Variants in CACNA1C observed in about 807,000 individuals in gnomAD.
CACNA1C encodes the protein calcium voltage-gated channel subunit alpha1 C, also known as voltage-dependent L-type calcium channel subunit alpha-1C.
CACNA1C carries 30 observed loss-of-function variants against 229.0 expected under a neutral mutation model. The ratio of observed to expected loss-of-function variants is 0.13; its 90% CI spans 0.10 to 0.18. The LOEUF is 0.18. CACNA1C is among the 10% of genes least tolerant of loss of function. The pLI is 1.00. For missense variants in CACNA1C, 1,658 were observed against 2,845.0 expected, an observed-to-expected ratio of 0.58 and a Z score of 9.49; for synonymous variants, 1,114 against 1,132.5, an observed-to-expected ratio of 0.98 and a Z score of 0.33.
At chr12:2,177,612 CCT>C (rs2096701224) in intron 3 of CACNA1C, among the ~76,000 whole-genome samples, 3 of 109,890 alleles carry the variant, frequency 2.7e-5, no homozygotes, top group South Asian at 3.9e-4. Context: ...TTCCTTCCTT[CCT>C]TCCTTCCTTC....
intron 9 of CACNA1C, among the ~76,000 whole-genome samples, chr12:2,545,289 G>A (rs1014344588): frequency 7.6e-6 from 1 of 130,894 alleles, no homozygotes; most frequent in Non-Finnish European, 1.6e-5. Context: ...AGCTTCAAAT[G>A]CCTAACAACC....
At chr12:2,404,288 C>G (rs185206042) in intron 3 of CACNA1C, among the ~76,000 whole-genome samples, 2 of 152,140 alleles carry the variant, frequency 1.3e-5, no homozygotes, top group Non-Finnish European at 2.9e-5. Flanking sequence ...TAACTAAGAG[C>G]GCTCATGGGG....
intron 3 of CACNA1C, among the ~76,000 whole-genome samples, chr12:2,138,013 A>C (rs3794300): frequency 0.039 from 5,879 of 151,652 alleles, 388 homozygotes; most frequent in African/African-American, 0.12. Flanking sequence ...ACTCTGGCAC[A>C]GCGAGTGTAG....
intron 11 of CACNA1C, among the ~76,000 whole-genome samples, chr12:2,559,135 C>G (rs1350207877): frequency 6.6e-6 from 1 of 152,152 alleles, no homozygotes; most frequent in African/African-American, 2.4e-5. Context: ...TCTAATTTGA[C>G]AGTCAAAGCT....
chr12:2,012,006 A>G (rs1001236519), intron 1 of CACNA1C, among the ~76,000 whole-genome samples: 1 of 152,230 alleles, frequency 6.6e-6, no homozygotes, highest in Non-Finnish European at 1.5e-5. Context: ...GAATTTTGTA[A>G]TTACTTATTG....
Position 2,647,450 on chromosome 12 carries a change from T to G in CACNA1C, c.3913-1025T>G, listed in dbSNP as rs1213889093. 6.6e-6 allele frequency among the ~76,000 whole-genome samples: 1 copy of G among 152,164 alleles called. No individual in the cohort carries two copies. The highest frequency in any genetic ancestry group is 2.4e-5 in the African/African-American group (1 of 41,422). ...GACCCGTGAGAACAGCTTCCTGGGG[T>G]GTTAGTGTCCTAAATTGTGTGCAGG... On this transcript the variant is annotated intron_variant, in intron 30 of 46. Transcript: ENST00000399655. The surrounding 1 kb of genome is among the most constrained non-coding windows in gnomAD (Gnocchi z 4.2).
At chr12:2,407,060 C>T (rs1336700157) in intron 3 of CACNA1C, among the ~76,000 whole-genome samples, 1 of 152,256 alleles carries the variant, frequency 6.6e-6, no homozygotes, top group Admixed American at 6.5e-5. Context: ...CACTGCCAGA[C>T]CTCTGCTGAT....
upstream of CACNA1C, among the ~76,000 whole-genome samples, chr12:2,052,533 G>A (rs1275524284): frequency 1.3e-5 from 2 of 149,852 alleles, no homozygotes; most frequent in African/African-American, 4.9e-5. Flanking sequence ...CGCAGCGGAG[G>A]AGAGAACGCG....
At chr12:2,394,809 A>G (rs1567432066) in intron 3 of CACNA1C, among the ~76,000 whole-genome samples, 1 of 152,268 alleles carries the variant, frequency 6.6e-6, no homozygotes, top group Middle Eastern at 3.4e-3. Flanking sequence ...CAACCCAGTG[A>G]GTCTCGGGTA....
chr12:2,689,526 A>G lies in CACNA1C; in HGVS notation c.6117+747A>G, dbSNP rs1483117270. 1.3e-5 allele frequency among the ~76,000 whole-genome samples: 2 copies of G among 152,012 alleles called. No homozygotes were observed. The highest frequency in any genetic ancestry group is 4.8e-5 in the African/African-American group (2 of 41,364). ...ACAGATTTCAGCTCACATGGGGAAGACCTTCCCAAATGAGCTCTTCCAAGA... is the reference window on the plus strand; with the variant it reads ...ACAGATTTCAGCTCACATGGGGAAGGCCTTCCCAAATGAGCTCTTCCAAGA... On this transcript the variant is annotated intron_variant, in intron 46 of 46. Coordinates refer to ENST00000399655, the MANE Select transcript of CACNA1C (RefSeq NM_000719.7). The surrounding 1 kb of genome is among the most constrained non-coding windows in gnomAD (Gnocchi z 4.2).
intron 7 of CACNA1C, among the ~76,000 whole-genome samples, chr12:2,503,617 A>G (rs2099765347): frequency 6.6e-6 from 1 of 152,182 alleles, no homozygotes; most frequent in South Asian, 2.1e-4. Context: ...GTCAGTTTCA[A>G]GCTGCCAGTG....
At chr12:2,031,360 T>C (rs1241484757) in intron 1 of CACNA1C, among the ~76,000 whole-genome samples, 2 of 152,180 alleles carry the variant, frequency 1.3e-5, no homozygotes, top group East Asian at 1.9e-4. Context: ...CCAAGTGAGT[T>C]TGGACTAAGT....
chr12:2,163,318 C>T (rs990295194), intron 3 of CACNA1C, among the ~76,000 whole-genome samples: 2 of 151,918 alleles, frequency 1.3e-5, no homozygotes, highest in South Asian at 4.1e-4. Context: ...AGGCAGTATT[C>T]GTATTCTCAC....
At chr12:2,230,459 G>A (rs2064684599) in intron 3 of CACNA1C, among the ~76,000 whole-genome samples, 2 of 152,238 alleles carry the variant, frequency 1.3e-5, no homozygotes, top group African/African-American at 4.8e-5. Flanking sequence ...GACCCCTCAG[G>A]AAGAGACTGA....
chr12:2,634,526 T>G, intron 30 of CACNA1C, 146 bp downstream of exon 30: 1 of 449,866 alleles, frequency 2.2e-6, no homozygotes, highest in Non-Finnish European at 4.0e-6. Flanking sequence ...GTTTGAAGGT[T>G]TTTTTTTCCT....
chr12:2,158,289 A>G (rs1436774292), intron 3 of CACNA1C, among the ~76,000 whole-genome samples: 3 of 152,230 alleles, frequency 2.0e-5, no homozygotes, highest in Non-Finnish European at 4.4e-5. Flanking sequence ...GGATCTTACA[A>G]GTTTCTAGGC....
intron 3 of CACNA1C, among the ~76,000 whole-genome samples, chr12:2,407,667 G>GTATTGATTTGC (rs2098753765): frequency 2.0e-5 from 2 of 97,908 alleles, no homozygotes; most frequent in African/African-American, 3.7e-5. Context: ...GTGTGCGGTG[G>GTATTGATTTGC]ACATCGTCTC....
rs141242394 is a variant in CACNA1C, at chr12:2,346,107, G to T, written c.478-102869G>T. Reference sequence around the variant, plus strand: ...TTAGAACCGCTGAAGCTCCCCAGGTGCACCAGGAGCCTTCCCAAGACCTGG... The same window carrying T: ...TTAGAACCGCTGAAGCTCCCCAGGTTCACCAGGAGCCTTCCCAAGACCTGG... On this transcript the variant is annotated intron_variant, in intron 3 of 46. Coordinates refer to ENST00000399655, the MANE Select transcript of CACNA1C (RefSeq NM_000719.7). The surrounding 1 kb of genome is among the most constrained non-coding windows in gnomAD (Gnocchi z 4.4). Among the ~76,000 whole-genome samples, 2 of 152,312 alleles carry T rather than the reference G, an allele frequency of 1.3e-5. No homozygotes were observed. Among genetic ancestry groups the T allele is most frequent in the East Asian group, 3.9e-4 (2 of 5,184 alleles).
chr12:2,332,409 A>G (rs2154515150), intron 3 of CACNA1C, among the ~76,000 whole-genome samples: 1 of 152,330 alleles, frequency 6.6e-6, no homozygotes, highest in South Asian at 2.1e-4. Flanking sequence ...ATGAATAAGG[A>G]CAAGCCATTG....
Sources: allele counts gnomAD v4.1 joint callset (sites outside exome capture counted in the v4.1 genomes callset), GRCh38; gene constraint gnomAD v4.1.1; non-coding constraint Gnocchi (gnomAD v3.1); transcripts MANE v1.5; gene names NCBI Gene and HGNC (gene_info 2026-07-23, HGNC 2026-07-21).